The following GSTA2 variants were observed in gnomAD, a reference collection of about 807,000 sequenced individuals.
GSTA2 encodes glutathione S-transferase alpha 2.
A neutral mutation model predicts 22.4 loss-of-function variants in GSTA2; 27 were observed. The ratio of observed to expected loss-of-function variants is 1.21; its 90% CI spans 0.89 to 1.67. The LOEUF is 1.67. Among genes scored for constraint, GSTA2 ranks in the 40% most tolerant of loss-of-function variants. GSTA2 has a pLI of 0.00. For synonymous variants in GSTA2, 121 were observed against 86.8 expected (o/e 1.39, Z -2.19); for missense variants, 302 against 260.2 (o/e 1.16, Z -1.11).
At chr6:52,757,767 G>T in intron 2 of GSTA2, 94 bp downstream of exon 2, 2 of 1,047,246 alleles carry the variant, frequency 1.9e-6, no homozygotes, top group East Asian at 2.4e-5. Context: ...AAGGCACAAT[G>T]CTTCAGTTAG....
At chr6:52,756,139 C>T in intron 3 of GSTA2, 119 bp downstream of exon 3, 1 of 652,710 alleles carries the variant, frequency 1.5e-6, no homozygotes, top group Non-Finnish European at 2.8e-6. Flanking sequence ...ACCACTTTCT[C>T]CCTCTGCACC....
intron 1 of GSTA2, among the ~76,000 whole-genome samples, chr6:52,759,580 T>G (rs1460106075): frequency 1.5e-4 from 18 of 121,102 alleles, no homozygotes; most frequent in African/African-American, 5.4e-4. Context: ...TTTTTTTTTT[T>G]TTTTTTTTTT....
chr6:52,757,915 A>T lies in GSTA2; in HGVS notation c.33T>A (p.Asn11Lys). The stretch of plus-strand genomic sequence containing the variant: ...GGATGGACTCCATTCTGCCCCGTAT[A>T]TTGGAGTAGTGGAGCTTGGGCTTCT... MAEKPKLHYS[N>K]IRGRMESIRW... Residue 11 changes from asparagine to lysine, a missense_variant, in exon 2 of 7, where the codon AAT (asparagine) becomes AAA (lysine). By Grantham distance (94) the Asn-to-Lys change is moderately conservative. Transcript: ENST00000493422. 6.2e-7 allele frequency: 1 copy of T among 1,613,706 alleles called. No homozygotes were observed. Among genetic ancestry groups the T allele is most frequent in the South Asian group, 1.1e-5 (1 of 91,064 alleles).
At chr6:52,759,428 G>A (rs1259696082) in intron 1 of GSTA2, among the ~76,000 whole-genome samples, 4 of 152,250 alleles carry the variant, frequency 2.6e-5, no homozygotes, top group Middle Eastern at 6.8e-3. Context: ...CCAGTGCCAG[G>A]ACTTAGGAAT....
chr6:52,754,115 A>G (rs1050331461), intron 4 of GSTA2, among the ~76,000 whole-genome samples: 1 of 152,120 alleles, frequency 6.6e-6, no homozygotes, highest in Admixed American at 6.5e-5. Context: ...TTTCTCCTCC[A>G]TTTATTGATT....
intron 1 of GSTA2, among the ~76,000 whole-genome samples, chr6:52,761,841 G>C (rs1008573055): frequency 1.3e-5 from 2 of 150,648 alleles, no homozygotes; most frequent in Non-Finnish European, 2.9e-5. Context: ...GTGGGGAAAA[G>C]AAAGAGAGAT....
At chr6:52,753,909 C>A (rs1762792537) in intron 4 of GSTA2, among the ~76,000 whole-genome samples, 1 of 152,230 alleles carries the variant, frequency 6.6e-6, no homozygotes, top group Admixed American at 6.5e-5. Context: ...CCCAGGCAAT[C>A]ACTAATCTAC....
intron 4 of GSTA2, 91 bp downstream of exon 4, chr6:52,754,852 C>A: frequency 6.4e-7 from 1 of 1,566,988 alleles, no homozygotes; most frequent in East Asian, 2.2e-5. Context: ...TGCTGCTGGT[C>A]TTGATACCCT....
chr6:52,758,134 A>C (rs748581290), intron 1 of GSTA2, among the ~76,000 whole-genome samples, 157 bp from the exon 2 acceptor site: 12 of 152,180 alleles, frequency 7.9e-5, no homozygotes, highest in Non-Finnish European at 1.3e-4. Context: ...TCTTGGCTCA[A>C]ATTATTACCC....
Position 52,757,844 on chromosome 6 carries a change from C to A in GSTA2, c.87+17G>T, listed in dbSNP as rs772274379. Reference sequence around the variant, plus strand: ...CAATCGTAAATCTGACTTAAGATGACCTAACTCAGAACCTACCTCTACTCC... The same window carrying A: ...CAATCGTAAATCTGACTTAAGATGAACTAACTCAGAACCTACCTCTACTCC... On this transcript the variant is annotated intron_variant, in intron 2 of 6. Coordinates refer to ENST00000493422, the MANE Select transcript of GSTA2 (RefSeq NM_000846.5). 47 of 1,605,490 alleles carry A rather than the reference C, an allele frequency of 2.9e-5. No homozygotes were observed. The highest frequency in any genetic ancestry group is 4.5e-5 in the East Asian group (2 of 44,828).
Position 52,752,899 on chromosome 6 carries a change from C to G in GSTA2, c.369G>C (p.Leu123Phe), listed in dbSNP as rs1273123514. 2 of 1,614,068 alleles carry G rather than the reference C, an allele frequency of 1.2e-6. No individual in the cohort carries two copies. The highest frequency in any genetic ancestry group is 2.2e-5 in the South Asian group (2 of 91,076). ...QPEEQDAKLALIQEKTKNRYF... is the reference protein window; with the variant it reads ...QPEEQDAKLAFIQEKTKNRYF... ...AGCGATTTTTTGTTTTCTCTTGGAT[C>G]AAGGCAAGCTTGGCATCTTGTTCCT... The change falls in exon 5 of 7, where the codon TTG becomes TTC. Residue 123 changes from leucine (L) to phenylalanine (F), a missense_variant. Physicochemically the swap from Leu to Phe is conservative, Grantham distance 22 (BLOSUM62 0). Coordinates refer to ENST00000493422, the MANE Select transcript of GSTA2 (RefSeq NM_000846.5).
At chr6:52,760,334 A>G (rs989172047) in intron 1 of GSTA2, among the ~76,000 whole-genome samples, 1 of 152,188 alleles carries the variant, frequency 6.6e-6, no homozygotes, top group Non-Finnish European at 1.5e-5. Flanking sequence ...CACTTCCTCA[A>G]TGTGAGGTTT....
intron 1 of GSTA2, among the ~76,000 whole-genome samples, chr6:52,759,632 T>G (rs1762920035): frequency 7.7e-6 from 1 of 129,080 alleles, no homozygotes; most frequent in African/African-American, 2.9e-5. Flanking sequence ...TTGCCCAGGC[T>G]GCAGTGCAAT....
intron 4 of GSTA2, among the ~76,000 whole-genome samples, chr6:52,754,221 G>T (rs1020317118): frequency 1.2e-4 from 19 of 152,062 alleles, no homozygotes; most frequent in African/African-American, 4.1e-4. Flanking sequence ...ATGTATTTTC[G>T]ATTGTTTGGG....
chr6:52,753,774 G>T (rs1379572268), intron 4 of GSTA2, among the ~76,000 whole-genome samples: 1 of 152,168 alleles, frequency 6.6e-6, no homozygotes, highest in Non-Finnish European at 1.5e-5. Flanking sequence ...GTGGTTTTCA[G>T]TGCATTCACA....
chr6:52,759,578 T>TTTG (rs1561897432), intron 1 of GSTA2, among the ~76,000 whole-genome samples: 5 of 119,020 alleles, frequency 4.2e-5, no homozygotes, highest in African/African-American at 1.7e-4. Flanking sequence ...TTTTTTTTTT[T>TTTG]TTTTTTTTTT....
At position 52,759,587 on chromosome 6, in the gene GSTA2, T is replaced by G. The variant is rs1490598899; in HGVS notation, c.-30-1610A>C. 8.6e-5 allele frequency among the ~76,000 whole-genome samples: 11 copies of G among 127,326 alleles called. No individual in the cohort carries two copies. The South Asian group carries it at 1.1e-3, about 12-fold the overall frequency. 83.5% of individuals were successfully genotyped at this position (127,326 alleles called of 152,430 possible). A position where few individuals can be genotyped will look rare whatever the true frequency, so the allele number is the denominator to read the frequency against. On this transcript the variant is annotated intron_variant, in intron 1 of 6. Coordinates refer to ENST00000493422, the MANE Select transcript of GSTA2 (RefSeq NM_000846.5). Reference sequence around the variant, plus strand: ...TGTTTTTTTTTTTTTTTTTTTTTTTTTTTTTTTTTTTTTTGAGACAGAGTT... The same window carrying G: ...TGTTTTTTTTTTTTTTTTTTTTTTTGTTTTTTTTTTTTTTGAGACAGAGTT...
rs752222615 is a variant in GSTA2 at position 52,751,637 on chromosome 6, T to A, written c.486A>T (p.Glu162Asp). The change falls in exon 6 of 7, where the codon GAA becomes GAT. Residue 162 changes from glutamate to aspartate, a missense_variant. Transcript: ENST00000493422. ...KLSRADIHLVELLYYVEELDS... is the reference protein window; with the variant it reads ...KLSRADIHLVDLLYYVEELDS... The stretch of plus-strand genomic sequence containing the variant: ...CAAGCTCTTCCACGTAGTAGAGAAG[T>A]TCCACCAGGTGAATGTCAGCCCGGC... 4 of 1,614,018 alleles carry A rather than the reference T, an allele frequency of 2.5e-6. No individual in the cohort carries two copies. Among genetic ancestry groups the A allele is most frequent in the Non-Finnish European group, 3.4e-6 (4 of 1,180,016 alleles).
intron 4 of GSTA2, among the ~76,000 whole-genome samples, chr6:52,753,680 A>T (rs1271724961): frequency 1.3e-5 from 2 of 152,176 alleles, no homozygotes; most frequent in African/African-American, 2.4e-5. Flanking sequence ...GTCAAACTGG[A>T]GTTTCACAAT....
Sources: allele counts gnomAD v4.1 joint callset (sites outside exome capture counted in the v4.1 genomes callset), GRCh38; gene constraint gnomAD v4.1.1; transcripts MANE v1.5; gene names NCBI Gene and HGNC (gene_info 2026-07-23, HGNC 2026-07-21).